Variants in BCAS4 observed in about 807,000 individuals in gnomAD.
BCAS4 encodes the protein breast carcinoma-amplified sequence 4.
Under a neutral mutation model 15.7 loss-of-function variants are expected in BCAS4, and 9 were observed. The observed-to-expected ratio is 0.57, with a 90% confidence interval of 0.34 to 1.00. BCAS4 has a LOEUF of 1.00. Ranked by LOEUF, BCAS4 falls within the 50% of genes least tolerant of loss-of-function variation. The pLI, the probability that BCAS4 is intolerant of heterozygous loss-of-function variation, is 0.02. For synonymous variants in BCAS4, 101 were observed against 99.5 expected, an observed-to-expected ratio of 1.02 and a Z score of -0.09; for missense variants, 225 against 239.1, an observed-to-expected ratio of 0.94 and a Z score of 0.39.
chr20:50,861,242 A>G (rs1483771449), intron 4 of BCAS4, among the ~76,000 whole-genome samples: 2 of 152,164 alleles, frequency 1.3e-5, no homozygotes, highest in African/African-American at 2.4e-5. Flanking sequence ...TCAGCAGCGA[A>G]TGGGGCAGAC....
At chr20:50,834,622 G>T (rs973727858) in intron 3 of BCAS4, among the ~76,000 whole-genome samples, 7 of 152,156 alleles carry the variant, frequency 4.6e-5, no homozygotes, top group African/African-American at 1.7e-4. Flanking sequence ...ACCATTTGGA[G>T]GTGTGGGGTA....
intron 3 of BCAS4, among the ~76,000 whole-genome samples, chr20:50,830,860 A>C (rs1369538639): frequency 6.6e-6 from 1 of 152,126 alleles, no homozygotes; most frequent in Non-Finnish European, 1.5e-5. Context: ...AAAACGAAAA[A>C]AAAGAATTTG....
chr20:50,846,909 C>A (rs530332066), intron 4 of BCAS4, among the ~76,000 whole-genome samples: 17 of 151,770 alleles, frequency 1.1e-4, no homozygotes, highest in Non-Finnish European at 2.5e-4. Context: ...CCACGACGCC[C>A]AGCTTAAAAT....
chr20:50,807,315 C>T (rs1022088070), intron 1 of BCAS4, among the ~76,000 whole-genome samples: 2 of 152,100 alleles, frequency 1.3e-5, no homozygotes. Flanking sequence ...ACCCCAGCCT[C>T]CCAAGTAGCT....
chr20:50,843,986 A>G (rs1214812738), intron 4 of BCAS4, among the ~76,000 whole-genome samples: 1 of 152,118 alleles, frequency 6.6e-6, no homozygotes, highest in Non-Finnish European at 1.5e-5. Context: ...TATACAAAAA[A>G]TAGAAAAGTT....
chr20:50,867,460 C>T (rs1349336785), intron 4 of BCAS4, among the ~76,000 whole-genome samples: 2 of 152,158 alleles, frequency 1.3e-5, no homozygotes, highest in African/African-American at 4.8e-5. Flanking sequence ...AATCCTCCCA[C>T]CTCAGCCTCT....
At chr20:50,809,270 C>T (rs1469330101) in intron 1 of BCAS4, among the ~76,000 whole-genome samples, 4 of 151,952 alleles carry the variant, frequency 2.6e-5, no homozygotes, top group Admixed American at 6.6e-5. Flanking sequence ...AGTGCAATGG[C>T]GCAATCTCAG....
chr20:50,811,523 C>T (rs755203420), intron 1 of BCAS4, among the ~76,000 whole-genome samples: 1 of 152,138 alleles, frequency 6.6e-6, no homozygotes, highest in Non-Finnish European at 1.5e-5. Context: ...TCACCATTAG[C>T]AGTTATTCCC....
rs190451066 is a variant in BCAS4 at position 50,850,622 on chromosome 20, G to C, written c.399+8722G>C. ...CTGACAGCAAGTAGTTTTTATTTGG[G>C]GGGGTTGCTCTTTGTTGAGGCCTAT... On this transcript the variant is annotated intron_variant, in intron 4 of 4. Transcript: ENST00000371608. Among the ~76,000 whole-genome samples the C allele has an allele frequency of 3.1e-4, 47 of 152,308 alleles. No homozygotes were observed. In the East Asian group the frequency reaches 8.3e-3, roughly 27 times the overall value.
At chr20:50,865,261 G>A (rs1979299718) in intron 4 of BCAS4, among the ~76,000 whole-genome samples, 1 of 152,162 alleles carries the variant, frequency 6.6e-6, no homozygotes, top group South Asian at 2.1e-4. Context: ...CTCTAGGACA[G>A]AGGGATGGGG....
In BCAS4 at chr20:50,862,640, G is replaced by A. The variant is rs185142047; in HGVS notation, c.400-13846G>A. Reference sequence around the variant, plus strand: ...CCAGGGCTCCCTGGAGGCCTGGAATGGGGGAGAAGGGGCACAGGGGACAGT... The same window carrying A: ...CCAGGGCTCCCTGGAGGCCTGGAATAGGGGAGAAGGGGCACAGGGGACAGT... On this transcript the variant is annotated intron_variant, in intron 4 of 4. Transcript: ENST00000371608. Among the ~76,000 whole-genome samples, 375 of 152,282 alleles carry A rather than the reference G, an allele frequency of 2.5e-3. 1 individual carries two copies. Among genetic ancestry groups the A allele is most frequent in the African/African-American group, 5.7e-3 (236 of 41,560 alleles).
At chr20:50,840,637 T>G in intron 3 of BCAS4, 1 of 1,608,458 alleles carries the variant, frequency 6.2e-7, no homozygotes, top group Non-Finnish European at 8.5e-7. Flanking sequence ...TGCTTGCTTC[T>G]CCTGTTCAAT....
At chr20:50,815,122 C>A (rs1194472691) in intron 1 of BCAS4, among the ~76,000 whole-genome samples, 1 of 152,176 alleles carries the variant, frequency 6.6e-6, no homozygotes, top group Non-Finnish European at 1.5e-5. Context: ...GATCCAGTGG[C>A]AGTGAAATGC....
intron 1 of BCAS4, among the ~76,000 whole-genome samples, chr20:50,801,418 A>G (rs2087925258): frequency 6.6e-6 from 1 of 151,824 alleles, no homozygotes; most frequent in Admixed American, 6.6e-5. Context: ...CAAGAGTGAG[A>G]CTCTGTCTCA....
chr20:50,865,917 C>G (rs1349079456), intron 4 of BCAS4, among the ~76,000 whole-genome samples: 1 of 152,122 alleles, frequency 6.6e-6, no homozygotes, highest in Non-Finnish European at 1.5e-5. Context: ...GGCCCTGGAG[C>G]AGACACAAAC....
At chr20:50,839,150 C>T (rs1249898296) in intron 3 of BCAS4, among the ~76,000 whole-genome samples, 2 of 152,224 alleles carry the variant, frequency 1.3e-5, no homozygotes, top group African/African-American at 4.8e-5. Flanking sequence ...AAAATCTTTT[C>T]TATTTTACTA....
intron 4 of BCAS4, among the ~76,000 whole-genome samples, chr20:50,857,450 C>T (rs1978824807): frequency 1.3e-5 from 2 of 152,176 alleles, no homozygotes; most frequent in South Asian, 4.1e-4. Context: ...TTTCTAAGCA[C>T]TTTCCGTTAT....
intron 4 of BCAS4, among the ~76,000 whole-genome samples, chr20:50,845,410 G>C (rs891068624): frequency 6.6e-6 from 1 of 152,056 alleles, no homozygotes; most frequent in Non-Finnish European, 1.5e-5. Flanking sequence ...CCTCCCCCAG[G>C]GTGGACACCT....
rs1448209223 is a variant in BCAS4 at position 50,795,140 on chromosome 20, C to T, written c.57C>T (p.Leu19=). 4 of 1,473,178 alleles carry T rather than the reference C, an allele frequency of 2.7e-6. No homozygotes were observed. The highest frequency in any genetic ancestry group is 3.6e-6 in the Non-Finnish European group (4 of 1,108,836). The allele number at this position is 1,473,178 out of a possible 1,614,324, so 91.3% of individuals were successfully genotyped here. A position where few individuals can be genotyped will look rare whatever the true frequency, so the allele number is the denominator to read the frequency against. The change falls in exon 1 of 5, where the codon CTC becomes CTT. Residue 19 remains leucine (L), a synonymous_variant. Coordinates refer to ENST00000371608, the MANE Select transcript of BCAS4 (RefSeq NM_198799.4). Reference sequence around the variant, plus strand: ...CCATGCGCAGCGGGGCGCGCGAGCTCGCGCTCTTCCTGACCCCCGAGCCTG... The same window carrying T: ...CCATGCGCAGCGGGGCGCGCGAGCTTGCGCTCTTCCTGACCCCCGAGCCTG... ...PEPMRSGARE[L]ALFLTPEPGA...
Sources: gnomAD v4.1 joint callset for allele counts (sites outside exome capture counted in the v4.1 genomes callset) on GRCh38, gnomAD v4.1.1 for gene constraint, MANE v1.5 for transcripts, NCBI Gene and HGNC (gene_info 2026-07-23, HGNC 2026-07-21) for gene names.